The following PLCH1 variants were observed in gnomAD, a reference collection of about 807,000 sequenced individuals.
PLCH1 encodes phospholipase C eta 1.
PLCH1 carries 60 observed loss-of-function variants against 126.7 expected under a neutral mutation model. The observed-to-expected ratio is 0.47, with a 90% CI of 0.38 to 0.59. The LOEUF (loss-of-function observed/expected upper bound fraction) is 0.59, where lower values mean the gene tolerates loss of function less well. Ranked by LOEUF, PLCH1 falls within the 20% of genes least tolerant of loss-of-function variation. PLCH1 has a pLI of 0.00. For missense variants in PLCH1, 1,723 were observed against 2,040.0 expected (o/e 0.84, Z 2.99); for synonymous variants, 719 against 734.9 (o/e 0.98, Z 0.35).
rs1230809587 is a variant in PLCH1 at position 155,510,209 on chromosome 3, T to G, written c.1632+4514A>C. The stretch of plus-strand genomic sequence containing the variant: ...CTTTTTTTGTTTTCCATTGGCTTGG[T>G]GGATCTTCCTCCATCCTTTTATTTT... On this transcript the variant is annotated intron_variant, in intron 12 of 22. Coordinates refer to ENST00000460012, the MANE Select transcript of PLCH1 (RefSeq NM_014996.4). Among the ~76,000 whole-genome samples the G allele has an allele frequency of 2.7e-5, 3 of 110,616 alleles. No individual in the cohort carries two copies. In the Admixed American group the frequency reaches 2.7e-4, roughly 10 times the overall value. The allele number at this position is 110,616 out of a possible 152,430, so 72.6% of individuals were successfully genotyped here.
chr3:155,709,700 C>T (rs998796515), intron 1 of PLCH1, among the ~76,000 whole-genome samples: 3 of 152,112 alleles, frequency 2.0e-5, no homozygotes, highest in South Asian at 4.1e-4. Flanking sequence ...CAACTGCAGC[C>T]TCGACCTCCA....
chr3:155,694,952 C>CTTTTTTTTT (rs201292066), intron 2 of PLCH1, among the ~76,000 whole-genome samples: 1 of 115,244 alleles, frequency 8.7e-6, no homozygotes, highest in Non-Finnish European at 1.7e-5. Context: ...AAAGCTAGTG[C>CTTTTTTTTT]TTTTTTTTTT....
At chr3:155,704,336 C>A in intron 1 of PLCH1, 72 bp from the exon 2 acceptor site, 1 of 413,654 alleles carries the variant, frequency 2.4e-6, no homozygotes, top group Non-Finnish European at 4.2e-6. Context: ...TAGCATAATG[C>A]CATCGGTTGC....
At chr3:155,545,177 T>C in intron 10 of PLCH1, among the ~76,000 whole-genome samples, 4 of 149,918 alleles carry the variant, frequency 2.7e-5, no homozygotes, top group African/African-American at 4.9e-5. Context: ...AAGAATCAAA[T>C]AGACGCAATA....
At chr3:155,454,702 T>C (rs1432274138) in intron 21 of PLCH1, among the ~76,000 whole-genome samples, 1 of 152,212 alleles carries the variant, frequency 6.6e-6, no homozygotes, top group East Asian at 1.9e-4. Flanking sequence ...GTTCCAGTCA[T>C]GTCTCAGTCT....
intron 2 of PLCH1, among the ~76,000 whole-genome samples, chr3:155,627,822 C>T (rs1737524619): frequency 6.7e-6 from 1 of 149,380 alleles, no homozygotes; most frequent in African/African-American, 2.5e-5. Context: ...GGCTGGAGTG[C>T]AGTGGCACAA....
intron 17 of PLCH1, 129 bp from the exon 18 acceptor site, chr3:155,492,982 G>T: frequency 1.3e-6 from 1 of 784,470 alleles, no homozygotes; most frequent in Non-Finnish European, 1.8e-6. Context: ...AACTATCAGT[G>T]TGGCATAGCT....
At chr3:155,549,692 T>C in intron 10 of PLCH1, 95 bp downstream of exon 10, 2 of 833,458 alleles carry the variant, frequency 2.4e-6, no homozygotes, top group African/African-American at 3.4e-5. Flanking sequence ...TTGATTCTAA[T>C]TATTATTCTC....
chr3:155,624,222 A>G (rs1352103023), intron 2 of PLCH1, among the ~76,000 whole-genome samples: 1 of 152,226 alleles, frequency 6.6e-6, no homozygotes, highest in South Asian at 2.1e-4. Flanking sequence ...AAAAACTCTC[A>G]ATAAACTAGG....
chr3:155,549,713 C>T, intron 10 of PLCH1, 74 bp downstream of exon 10: 2 of 1,031,100 alleles, frequency 1.9e-6, no homozygotes, highest in East Asian at 4.8e-5. Flanking sequence ...CCTTGAAACC[C>T]ATTTTTATTC....
At chr3:155,468,573 A>T (rs1713018728) in intron 21 of PLCH1, among the ~76,000 whole-genome samples, 1 of 152,216 alleles carries the variant, frequency 6.6e-6, no homozygotes, top group Admixed American at 6.5e-5. Context: ...ATGGAAACCA[A>T]AAAAGAGCAG....
At chr3:155,706,601 C>T (rs1746690911) in intron 1 of PLCH1, among the ~76,000 whole-genome samples, 1 of 141,770 alleles carries the variant, frequency 7.1e-6, no homozygotes, top group South Asian at 2.4e-4. Context: ...GCCTGGGCGA[C>T]AAAGACTCCG....
chr3:155,676,349 C>A, intron 2 of PLCH1: 1 of 1,066,692 alleles, frequency 9.4e-7, no homozygotes, highest in Non-Finnish European at 1.1e-6. Context: ...GGAATGCAGG[C>A]GCTGTGGCTA....
chr3:155,555,793 C>T (rs959262718), intron 8 of PLCH1, among the ~76,000 whole-genome samples: 1 of 152,118 alleles, frequency 6.6e-6, no homozygotes, highest in African/African-American at 2.4e-5. Context: ...ACTAGGATCC[C>T]CCACAGAACC....
At chr3:155,719,681 T>C (rs1445524647) in intron 1 of PLCH1, among the ~76,000 whole-genome samples, 1 of 152,030 alleles carries the variant, frequency 6.6e-6, no homozygotes, top group African/African-American at 2.4e-5. Context: ...GTAGCACTTT[T>C]GTTTTAGTAA....
At chr3:155,629,360 C>G (rs1419118155) in intron 2 of PLCH1, among the ~76,000 whole-genome samples, 1 of 152,148 alleles carries the variant, frequency 6.6e-6, no homozygotes, top group Non-Finnish European at 1.5e-5. Context: ...AATTCCAATC[C>G]ACACACAGAT....
In PLCH1 at chr3:155,480,692, C is replaced by G. The variant is rs183669908; in HGVS notation, c.*276G>C. On this transcript the variant is annotated 3_prime_UTR_variant, in exon 23 of 23. Transcript: ENST00000460012. ...AAACACACACACATTATAACCCGAG[C>G]TGCTGAGGAGTTTCACATCTAGGGC... 1.6e-3 allele frequency: 555 copies of G among 340,274 alleles called. 2 individuals are homozygous for G. The highest frequency in any genetic ancestry group is 2.5e-3 in the Admixed American group (57 of 22,682). The allele number at this position is 340,274 out of a possible 1,614,324, so 21.1% of individuals were successfully genotyped here.
intron 2 of PLCH1, among the ~76,000 whole-genome samples, chr3:155,639,863 A>G (rs1173675751): frequency 6.6e-6 from 1 of 150,688 alleles, no homozygotes; most frequent in African/African-American, 2.5e-5. Context: ...TGTTCTCAGG[A>G]TAGTGAGTGA....
At chr3:155,598,960 G>T (rs1342051899) in intron 2 of PLCH1, among the ~76,000 whole-genome samples, 1 of 151,728 alleles carries the variant, frequency 6.6e-6, no homozygotes, top group Non-Finnish European at 1.5e-5. Flanking sequence ...TCATGCAAGT[G>T]GGGCCCCATG....
Sources: allele counts gnomAD v4.1 joint callset (sites outside exome capture counted in the v4.1 genomes callset), GRCh38; gene constraint gnomAD v4.1.1; transcripts MANE v1.5; gene names NCBI Gene and HGNC (gene_info 2026-07-23, HGNC 2026-07-21).